The following PGR variants were observed in gnomAD, a reference collection of about 807,000 sequenced individuals.
The protein encoded by PGR is progesterone receptor.
Under a neutral mutation model 76.1 loss-of-function variants are expected in PGR, and 25 were observed. The observed-to-expected ratio is 0.33, with a 90% CI of 0.24 to 0.46. PGR has a LOEUF of 0.46. Among genes scored for constraint, PGR ranks in the 20% least tolerant of loss-of-function variants. PGR has a pLI of 1.00. For synonymous variants in PGR, 579 were observed against 535.0 expected (o/e 1.08, Z -1.14); for missense variants, 1,172 against 1,225.3 (o/e 0.96, Z 0.65).
chr11:101,119,058 C>T lies in PGR; in HGVS notation c.1789+6949G>A, dbSNP rs187051831. 2.2e-3 allele frequency among the ~76,000 whole-genome samples: 331 copies of T among 152,196 alleles called. 1 individual carries two copies. The highest frequency in any genetic ancestry group is 7.1e-3 in the African/African-American group (293 of 41,540). ...AGGTATTAGATTCTCATAAGAAGTG[C>T]GCAACCTAGATCCCTTGCATGCAGA... On this transcript the variant is annotated intron_variant, in intron 2 of 7. Transcript: ENST00000325455.
intron 4 of PGR, among the ~76,000 whole-genome samples, chr11:101,054,263 A>AT (rs1405102725): frequency 1.3e-5 from 2 of 151,948 alleles, no homozygotes; most frequent in Non-Finnish European, 2.9e-5. Context: ...AACATAGTTT[A>AT]TTTTTAATAC....
At chr11:101,109,550 C>T (rs561774126) in intron 2 of PGR, among the ~76,000 whole-genome samples, 5 of 152,264 alleles carry the variant, frequency 3.3e-5, no homozygotes, top group South Asian at 4.1e-4. Context: ...TAATTCTCTT[C>T]AATTCTATCA....
intron 2 of PGR, among the ~76,000 whole-genome samples, chr11:101,111,833 C>T (rs1381261396): frequency 6.6e-6 from 1 of 152,066 alleles, no homozygotes; most frequent in African/African-American, 2.4e-5. Flanking sequence ...GTGGTTTATC[C>T]ACAGTTTGGA....
chr11:101,095,695 G>A (rs1244305159), intron 2 of PGR, among the ~76,000 whole-genome samples: 2 of 152,166 alleles, frequency 1.3e-5, no homozygotes, highest in African/African-American at 4.8e-5. Flanking sequence ...GATAACATTA[G>A]TACCTTGGAT....
chr11:101,104,135 G>A (rs1862076683), intron 2 of PGR, among the ~76,000 whole-genome samples: 1 of 152,204 alleles, frequency 6.6e-6, no homozygotes. Flanking sequence ...GTGACACAAT[G>A]TAGAAATGAT....
At chr11:101,049,077 T>C (rs904836038) in intron 6 of PGR, among the ~76,000 whole-genome samples, 24 of 152,216 alleles carry the variant, frequency 1.6e-4, no homozygotes, top group South Asian at 1.0e-3. Context: ...CTATAAACTT[T>C]ATCTATTTTT....
chr11:101,101,960 C>T (rs749806592), intron 2 of PGR, among the ~76,000 whole-genome samples: 1 of 152,060 alleles, frequency 6.6e-6, no homozygotes, highest in South Asian at 2.1e-4. Context: ...GTCTGAGAAC[C>T]GTTGGCCTGT....
chr11:101,092,314 G>A (rs909679837), intron 2 of PGR, among the ~76,000 whole-genome samples: 23 of 152,034 alleles, frequency 1.5e-4, no homozygotes, highest in Admixed American at 6.6e-5. Flanking sequence ...GAGGCCTCTG[G>A]AAAAGACCTT....
chr11:101,105,014 G>A (rs1216106688), intron 2 of PGR, among the ~76,000 whole-genome samples: 3 of 152,094 alleles, frequency 2.0e-5, no homozygotes, highest in Admixed American at 6.5e-5. Flanking sequence ...GGGGAGTGTT[G>A]GGGAAAGGAA....
Position 101,036,368 on chromosome 11 carries a change from A to C in PGR, c.*2748T>G, listed in dbSNP as rs1472799603. 1 of 207,888 alleles carries C rather than the reference A, an allele frequency of 4.8e-6. No individual in the cohort carries two copies. Among genetic ancestry groups the C allele is most frequent in the Non-Finnish European group, 9.8e-6 (1 of 102,020 alleles). 12.9% of individuals were successfully genotyped at this position (207,888 alleles called of 1,614,324 possible). On this transcript the variant is annotated 3_prime_UTR_variant, in exon 8 of 8. Transcript: ENST00000325455. The stretch of plus-strand genomic sequence containing the variant: ...TGATAATGGAGGTATAATGCTTTAG[A>C]CTCAAATGGCTTTTCAAACCTTTTT...
At chr11:101,064,533 T>C (rs977863946) in intron 3 of PGR, among the ~76,000 whole-genome samples, 1 of 151,924 alleles carries the variant, frequency 6.6e-6, no homozygotes, top group Admixed American at 6.6e-5. Context: ...TTATGGAGTA[T>C]ATAGCATATG....
At position 101,056,402 on chromosome 11, in the gene PGR, G is replaced by A. The variant is rs186647407; in HGVS notation, c.2213-4834C>T. 6.1e-3 allele frequency among the ~76,000 whole-genome samples: 932 copies of A among 152,242 alleles called. 12 individuals are homozygous for A. The highest frequency in any genetic ancestry group is 0.021 in the African/African-American group (879 of 41,530). On this transcript the variant is annotated intron_variant, in intron 4 of 7. Coordinates refer to ENST00000325455, the MANE Select transcript of PGR (RefSeq NM_000926.4). The stretch of plus-strand genomic sequence containing the variant: ...TGCCCGTAGTCCCAGTGCTTTGGGA[G>A]GCGAGGCAGGAGAGTCACTTGAGGC...
At chr11:101,081,757 G>A (rs182720718) in intron 3 of PGR, among the ~76,000 whole-genome samples, 1 of 152,226 alleles carries the variant, frequency 6.6e-6, no homozygotes, top group East Asian at 1.9e-4. Context: ...CCTTACATGG[G>A]AGTTCTAAAC....
chr11:101,127,398 C>T (rs1433064017), intron 1 of PGR, 36 bp downstream of exon 1: 10 of 1,476,966 alleles, frequency 6.8e-6, no homozygotes, highest in Admixed American at 2.2e-5. Flanking sequence ...CCGCTACTCC[C>T]GGACGCGCTG....
intron 2 of PGR, among the ~76,000 whole-genome samples, chr11:101,118,873 G>A (rs1398212930): frequency 6.6e-6 from 1 of 152,180 alleles, no homozygotes; most frequent in Non-Finnish European, 1.5e-5. Context: ...CAGAGTATGT[G>A]ACTTTCTGAT....
At position 101,128,077 on chromosome 11, in the gene PGR, C is replaced by T. The variant is rs757746136; in HGVS notation, c.994G>A (p.Gly332Arg). ...QLLEDESYDG[G>R]AGAASAFAPP... ...GCAAAGGCGCTGGCAGCCCCGGCCC[C>T]GCCGTCGTAACTTTCGTCTTCCAGC... Residue 332 changes from glycine to arginine, a missense_variant, in exon 1 of 8, where the codon GGG (glycine) becomes AGG (arginine). Around this residue, in one of 4 missense-constraint regions of PGR, gnomAD observed 893 missense variants for 785.9 expected, o/e 1.14. Coordinates refer to ENST00000325455, the MANE Select transcript of PGR (RefSeq NM_000926.4). 9.4e-6 allele frequency: 15 copies of T among 1,600,266 alleles called. No homozygotes were observed. The highest frequency in any genetic ancestry group is 8.3e-5 in the Admixed American group (5 of 59,980).
intron 3 of PGR, among the ~76,000 whole-genome samples, chr11:101,077,856 G>T (rs1861176187): frequency 6.6e-6 from 1 of 152,158 alleles, no homozygotes; most frequent in Non-Finnish European, 1.5e-5. Flanking sequence ...GATTTGGGTG[G>T]AAAAAGAGAT....
rs767970172 is a variant in PGR, at chr11:101,123,205, ATAAGT to A, written c.1789+2797_1789+2801del. On this transcript the variant is annotated intron_variant, in intron 2 of 7. Coordinates refer to ENST00000325455, the MANE Select transcript of PGR (RefSeq NM_000926.4). ...ATAATACCAACATTATAACAACTAA[ATAAGT>A]TAAGACCTGCAAAGCACTGAAATAG... Among the ~76,000 whole-genome samples, 3 of 152,352 alleles carry A rather than the reference ATAAGT, an allele frequency of 2.0e-5. No individual in the cohort carries two copies. The South Asian group carries it at 6.2e-4, about 32-fold the overall frequency.
At chr11:101,051,823 A>G (rs977751980) in intron 4 of PGR, among the ~76,000 whole-genome samples, 1 of 152,138 alleles carries the variant, frequency 6.6e-6, no homozygotes, top group Non-Finnish European at 1.5e-5. Flanking sequence ...TCCATCATCC[A>G]TCACTCATTC....
Sources: allele counts gnomAD v4.1 joint callset (sites outside exome capture counted in the v4.1 genomes callset), GRCh38; gene constraint gnomAD v4.1.1; regional missense constraint gnomAD v4.1.1; transcripts MANE v1.5; gene names NCBI Gene and HGNC (gene_info 2026-07-23, HGNC 2026-07-21).